CIMAP2: variants seen among roughly 807,000 people sequenced by gnomAD.
CIMAP2 encodes the protein ciliary microtubule associated protein 2.
chr1:54,811,765 G>GCCGGGGGGGGGGGGCGCCCGCCCCC, the CIMAP2 span: 1 of 1,301,332 alleles, frequency 7.7e-7, no homozygotes, highest in Non-Finnish European at 1.1e-6. Context: ...GGTTCTGACA[G>GCCGGGGGGGGGGGGCGCCCGCCCCC]CCTCCATGCC....
chr1:54,841,919 C>CCTT, the CIMAP2 span: 12 of 1,524,034 alleles, frequency 7.9e-6, no homozygotes, highest in African/African-American at 1.7e-4. Flanking sequence ...AGCCCAAAGG[C>CCTT]CTGAAGACAA....
the CIMAP2 span, chr1:54,813,937 A>G: frequency 6.2e-7 from 1 of 1,612,150 alleles, no homozygotes; most frequent in South Asian, 1.1e-5. Flanking sequence ...TACAGAGAGG[A>G]TTTACTGGGC....
chr1:54,806,102 G>C, the CIMAP2 span: 1 of 1,511,996 alleles, frequency 6.6e-7, no homozygotes, highest in Non-Finnish European at 8.8e-7. Flanking sequence ...GAGGCGGGCA[G>C]CGCGCAGGCC....
chr1:54,811,865 G>A, the CIMAP2 span: 23 of 1,610,826 alleles, frequency 1.4e-5, no homozygotes, highest in Non-Finnish European at 2.0e-5. Context: ...AGAATGCCTG[G>A]AACCGGTCTC....
the CIMAP2 span, chr1:54,814,936 G>C: frequency 6.2e-7 from 1 of 1,614,196 alleles, no homozygotes; most frequent in South Asian, 1.1e-5. Flanking sequence ...CCCAGTTTCT[G>C]GCTTCCACAA....
chr1:54,811,774 C>CGGGG, the CIMAP2 span: 1 of 476,588 alleles, frequency 2.1e-6, no homozygotes, highest in Non-Finnish European at 4.1e-6. Flanking sequence ...AGCCTCCATG[C>CGGGG]CCCCACCCCC....
At chr1:54,810,758 G>A in the CIMAP2 span, among the ~76,000 whole-genome samples, 4 of 152,160 alleles carry the variant, frequency 2.6e-5, no homozygotes, top group Non-Finnish European at 5.9e-5. Context: ...TCTGACCCTG[G>A]CAGCCCAGGT....
the CIMAP2 span, among the ~76,000 whole-genome samples, chr1:54,814,659 G>C: frequency 1.3e-5 from 2 of 152,232 alleles, no homozygotes; most frequent in African/African-American, 4.8e-5. Flanking sequence ...CAGCTGTCTG[G>C]GCCCCACCAG....
chr1:54,841,160 G>A, the CIMAP2 span, among the ~76,000 whole-genome samples: 2 of 152,228 alleles, frequency 1.3e-5, no homozygotes, highest in African/African-American at 4.8e-5. Flanking sequence ...TAATGATCTA[G>A]GCATAGGGGA....
chr1:54,806,200 C>T, the CIMAP2 span: 3 of 1,543,532 alleles, frequency 1.9e-6, no homozygotes, highest in Admixed American at 2.0e-5. Flanking sequence ...CCGGGGCGCC[C>T]TTCGGGGTGC....
the CIMAP2 span, chr1:54,816,876 C>T: frequency 7.3e-7 from 1 of 1,372,864 alleles, no homozygotes; most frequent in Non-Finnish European, 9.9e-7. Context: ...TTGGGAGACA[C>T]AATTCAACTC....
At chr1:54,823,942 TTTTGTTTG>T in the CIMAP2 span, among the ~76,000 whole-genome samples, 1 of 152,090 alleles carries the variant, frequency 6.6e-6, no homozygotes, top group Non-Finnish European at 1.5e-5. Flanking sequence ...TTGGCAGTTT[TTTTGTTTG>T]TTTGTTTGTT....
At chr1:54,813,929 C>G in the CIMAP2 span, 8 of 1,613,166 alleles carry the variant, frequency 5.0e-6, no homozygotes, top group African/African-American at 6.7e-5. Flanking sequence ...AAAACCCCTA[C>G]AGAGAGGATT....
chr1:54,824,777 A>G, the CIMAP2 span, among the ~76,000 whole-genome samples: 12 of 151,840 alleles, frequency 7.9e-5, no homozygotes, highest in Admixed American at 1.3e-4. Flanking sequence ...CAGATCATCA[A>G]TTGTTTTCCT....
chr1:54,813,918 G>A, the CIMAP2 span: 62 of 1,613,628 alleles, frequency 3.8e-5, no homozygotes, highest in Middle Eastern at 3.3e-4. Flanking sequence ...CCCGAAACCC[G>A]AAAACCCCTA....
the CIMAP2 span, chr1:54,811,765 G>GCCGGGGGGGGGGCCCCCC: frequency 2.2e-5 from 29 of 1,301,266 alleles, no homozygotes; most frequent in East Asian, 7.4e-5. Context: ...GGTTCTGACA[G>GCCGGGGGGGGGGCCCCCC]CCTCCATGCC....
At chr1:54,833,036 A>G in the CIMAP2 span, among the ~76,000 whole-genome samples, 1 of 152,172 alleles carries the variant, frequency 6.6e-6, no homozygotes, top group South Asian at 2.1e-4. Flanking sequence ...AATTAATAAA[A>G]ATGAATGGAG....
the CIMAP2 span, among the ~76,000 whole-genome samples, chr1:54,818,912 A>G: frequency 4.2e-4 from 64 of 152,242 alleles, no homozygotes; most frequent in East Asian, 7.7e-4. Context: ...TCTTTTATCT[A>G]AAGATGTTAA....
the CIMAP2 span, among the ~76,000 whole-genome samples, chr1:54,823,618 A>G: frequency 6.6e-6 from 1 of 151,944 alleles, no homozygotes; most frequent in Non-Finnish European, 1.5e-5. Flanking sequence ...TTGTTTTCTG[A>G]TTGTTTTATA....
Sources: gnomAD v4.1 joint callset for allele counts (sites outside exome capture counted in the v4.1 genomes callset) on GRCh38, gnomAD v4.1.1 for gene constraint, MANE v1.5 for transcripts, NCBI Gene and HGNC (gene_info 2026-07-23, HGNC 2026-07-21) for gene names.